FBXO31: variants seen among roughly 807,000 people sequenced by gnomAD.
FBXO31 encodes the protein F-box protein 31, also known as F-box only protein 31.
A neutral mutation model predicts 54.4 loss-of-function variants in FBXO31; 24 were observed. That is an observed-to-expected ratio of 0.44 (90% CI 0.32 to 0.62). FBXO31 has a LOEUF of 0.62. Among genes scored for constraint, FBXO31 ranks in the 20% least tolerant of loss-of-function variants. The probability of loss-of-function intolerance (pLI) is 0.05; values close to 1 mark genes in which losing one functional copy is unlikely to be tolerated. For synonymous variants in FBXO31, 388 were observed against 335.6 expected, an observed-to-expected ratio of 1.16 and a Z score of -1.71; for missense variants, 665 against 787.1, an observed-to-expected ratio of 0.84 and a Z score of 1.86.
chr16:87,382,020 G>A (rs1907100716), intron 1 of FBXO31, among the ~76,000 whole-genome samples: 3 of 149,706 alleles, frequency 2.0e-5, no homozygotes, highest in South Asian at 2.1e-4. Context: ...GTGAGACTCC[G>A]TCTCAAAAAA....
chr16:87,378,681 G>C (rs190564274), intron 1 of FBXO31, among the ~76,000 whole-genome samples: 20 of 152,316 alleles, frequency 1.3e-4, no homozygotes, highest in African/African-American at 4.6e-4. Context: ...ACGCATCCTG[G>C]CTGGGCGCGG....
At chr16:87,333,230 T>C (rs1192022237) in intron 8 of FBXO31, among the ~76,000 whole-genome samples, 1 of 150,298 alleles carries the variant, frequency 6.7e-6, no homozygotes, top group Non-Finnish European at 1.5e-5. Flanking sequence ...GCAAGCCTCG[T>C]CCCATGTCAG....
In FBXO31 at chr16:87,327,691, C is replaced by CT. The variant is rs1904696966; in HGVS notation, c.*3596dup. 1 of 152,234 alleles carries CT rather than the reference C, an allele frequency of 6.6e-6. No homozygotes were observed. Among genetic ancestry groups the CT allele is most frequent in the Non-Finnish European group, 1.5e-5 (1 of 68,084 alleles). 9.4% of individuals were successfully genotyped at this position (152,234 alleles called of 1,614,324 possible). A position where few individuals can be genotyped will look rare whatever the true frequency, so the allele number is the denominator to read the frequency against. On this transcript the variant is annotated 3_prime_UTR_variant, in exon 9 of 9. Transcript: ENST00000311635. ...AAAAAAAGTACCAGCCGCATGGAGA[C>CT]TATCTGCTGCTTGCATCTTCTCTAA...
chr16:87,356,347 C>G (rs1447170593), intron 2 of FBXO31, among the ~76,000 whole-genome samples: 2 of 152,210 alleles, frequency 1.3e-5, no homozygotes, highest in African/African-American at 4.8e-5. Flanking sequence ...CAGCTCTCCT[C>G]ACTGACTGCT....
At chr16:87,382,760 G>A (rs1333854675) in intron 1 of FBXO31, among the ~76,000 whole-genome samples, 1 of 152,132 alleles carries the variant, frequency 6.6e-6, no homozygotes, top group Non-Finnish European at 1.5e-5. Flanking sequence ...ACCCTCCCGA[G>A]TAGCTGGGAT....
In FBXO31 at chr16:87,342,917, T is replaced by C. The variant is rs773051532; in HGVS notation, c.692A>G (p.Asn231Ser). ...VKKDEFSTKC[N>S]QTDHHRMSGG... ...GGACATCCTGTGGTGGTCCGTCTGG[T>C]TGCACTTGGTGGAGAACTCATCCTT... Residue 231 changes from asparagine to serine, a missense_variant, in exon 5 of 9, where the codon AAC becomes AGC. This residue lies in a region of FBXO31 where 234 missense variants were observed against 346.8 expected (regional missense o/e 0.67). Coordinates refer to ENST00000311635, the MANE Select transcript of FBXO31 (RefSeq NM_024735.5). 2.5e-6 allele frequency: 4 copies of C among 1,608,420 alleles called. No individual in the cohort carries two copies. The highest frequency in any genetic ancestry group is 3.4e-6 in the Non-Finnish European group (4 of 1,177,696).
At chr16:87,349,251 A>G (rs1160346609) in intron 2 of FBXO31, among the ~76,000 whole-genome samples, 1 of 152,272 alleles carries the variant, frequency 6.6e-6, no homozygotes, top group Non-Finnish European at 1.5e-5. Context: ...GACAAGTGCT[A>G]TGAAAATGAA....
chr16:87,378,689 C>G (rs887244908), intron 1 of FBXO31, among the ~76,000 whole-genome samples: 17 of 152,180 alleles, frequency 1.1e-4, no homozygotes, highest in African/African-American at 4.1e-4. Flanking sequence ...TGGCTGGGCG[C>G]GGTGGCTCAC....
chr16:87,366,461 A>C (rs1597374542), intron 1 of FBXO31, among the ~76,000 whole-genome samples: 2 of 152,200 alleles, frequency 1.3e-5, no homozygotes, highest in African/African-American at 4.8e-5. Context: ...AGAGCGGGCA[A>C]GATCAGAGCA....
chr16:87,357,981 A>G (rs1366763571), intron 2 of FBXO31, among the ~76,000 whole-genome samples: 1 of 152,154 alleles, frequency 6.6e-6, no homozygotes, highest in Non-Finnish European at 1.5e-5. Context: ...TGCATATGTG[A>G]TTTTTAATTC....
chr16:87,334,372 G>A (rs1373711449), intron 7 of FBXO31, 86 bp from the exon 8 acceptor site: 2 of 1,276,606 alleles, frequency 1.6e-6, no homozygotes, highest in Non-Finnish European at 1.1e-6. Context: ...TCCACCTCTG[G>A]CTGAGCGAGC....
chr16:87,364,609 C>T (rs955546525), intron 1 of FBXO31, among the ~76,000 whole-genome samples: 14 of 152,158 alleles, frequency 9.2e-5, no homozygotes, highest in Non-Finnish European at 1.8e-4. Context: ...GACTGAGGGA[C>T]GCGTCACCCC....
intron 2 of FBXO31, among the ~76,000 whole-genome samples, chr16:87,355,919 T>C (rs1056388776): frequency 2.0e-5 from 3 of 152,152 alleles, no homozygotes; most frequent in Non-Finnish European, 2.9e-5. Flanking sequence ...AGGTCCACAG[T>C]GCACATTCCA....
At chr16:87,344,477 A>G (rs1235323102) in intron 3 of FBXO31, among the ~76,000 whole-genome samples, 2 of 152,090 alleles carry the variant, frequency 1.3e-5, no homozygotes. Flanking sequence ...GCCTAGCCTC[A>G]CCCCCTTCTG....
At chr16:87,353,250 G>A (rs1170674899) in intron 2 of FBXO31, among the ~76,000 whole-genome samples, 4 of 152,192 alleles carry the variant, frequency 2.6e-5, no homozygotes, top group South Asian at 4.2e-4. Context: ...CGGAGAACCC[G>A]CCTTGTACAA....
intron 2 of FBXO31, among the ~76,000 whole-genome samples, chr16:87,347,658 C>T (rs1014065941): frequency 6.0e-5 from 8 of 132,618 alleles, no homozygotes; most frequent in Admixed American, 2.6e-4. Flanking sequence ...CCAGCCCGGG[C>T]GACAGAGGGA....
chr16:87,382,655 C>G (rs1432670477), intron 1 of FBXO31, among the ~76,000 whole-genome samples: 1 of 152,096 alleles, frequency 6.6e-6, no homozygotes, highest in Non-Finnish European at 1.5e-5. Flanking sequence ...TGTTTGAGAC[C>G]AAGTCGCACT....
Position 87,343,875 on chromosome 16 carries a change from G to C in FBXO31, c.490-110C>G, listed in dbSNP as rs1358057374. On this transcript the variant is annotated intron_variant, in intron 3 of 8. Transcript: ENST00000311635. ...GCACAGAGAAGCTCCTGCCAGACCAGCACATGGGACCTGCACGCCCACCCT... is the reference window on the plus strand; with the variant it reads ...GCACAGAGAAGCTCCTGCCAGACCACCACATGGGACCTGCACGCCCACCCT... The C allele has an allele frequency of 2.5e-6, 3 of 1,211,542 alleles. No individual in the cohort carries two copies. In the Admixed American group the frequency reaches 6.1e-5, roughly 24 times the overall value. 75.0% of individuals were successfully genotyped at this position (1,211,542 alleles called of 1,614,324 possible).
intron 2 of FBXO31, among the ~76,000 whole-genome samples, chr16:87,359,065 G>A (rs1906021359): frequency 6.6e-6 from 1 of 152,180 alleles, no homozygotes; most frequent in Non-Finnish European, 1.5e-5. Flanking sequence ...AAGCCTTAAA[G>A]CAAATTCACA....
Sources: gnomAD v4.1 joint callset for allele counts (sites outside exome capture counted in the v4.1 genomes callset) on GRCh38, gnomAD v4.1.1 for gene constraint, gnomAD v4.1.1 regional missense constraint, MANE v1.5 for transcripts, NCBI Gene and HGNC (gene_info 2026-07-23, HGNC 2026-07-21) for gene names.